Variants in SARS1 observed in about 807,000 individuals in gnomAD.
The protein encoded by SARS1 is seryl-tRNA synthetase 1, also known as serine--tRNA ligase, cytoplasmic.
SARS1 carries 25 observed loss-of-function variants against 63.7 expected under a neutral mutation model. The observed-to-expected ratio is 0.39, with a 90% confidence interval of 0.29 to 0.55. The LOEUF (loss-of-function observed/expected upper bound fraction) is 0.55, where lower values mean the gene tolerates loss of function less well. Ranked by LOEUF, SARS1 falls within the 20% of genes least tolerant of loss-of-function variation. The probability of loss-of-function intolerance (pLI) is 0.62; values close to 1 mark genes in which losing one functional copy is unlikely to be tolerated. For missense variants in SARS1, 417 were observed against 649.7 expected, an observed-to-expected ratio of 0.64 and a Z score of 3.89; for synonymous variants, 231 against 243.5, an observed-to-expected ratio of 0.95 and a Z score of 0.48.
rs979467986 is a variant in SARS1, at chr1:109,214,138, G to A, written c.136+10G>A. 3.1e-6 allele frequency: 5 copies of A among 1,612,784 alleles called. No individual in the cohort carries two copies. Among genetic ancestry groups the A allele is most frequent in the Non-Finnish European group, 3.4e-6 (4 of 1,179,404 alleles). Reference sequence around the variant, plus strand: ...AGCGAGTGGCGACGATGTAAGTACCGGGACGGGCGGGTTACCTCCTTGATG... The same window carrying A: ...AGCGAGTGGCGACGATGTAAGTACCAGGACGGGCGGGTTACCTCCTTGATG... On this transcript the variant is annotated intron_variant, in intron 1 of 10. Coordinates refer to ENST00000234677, the MANE Select transcript of SARS1 (RefSeq NM_006513.4). The surrounding 1 kb of genome is among the most constrained non-coding windows in gnomAD (Gnocchi z 4.6).
Position 109,236,451 on chromosome 1 carries a change from G to A in SARS1, c.1160G>A (p.Gly387Glu), listed in dbSNP as rs140717526. 0.012 allele frequency: 18,726 copies of A among 1,604,458 alleles called. 158 individuals carry two copies. Among genetic ancestry groups the A allele is most frequent in the Non-Finnish European group, 0.014 (16,174 of 1,171,852 alleles). The change falls in exon 9 of 11, where the codon GGA (glycine) becomes GAA (glutamate). Residue 387 changes from glycine (G) to glutamate (E), a missense_variant. Gly to Glu is a moderately conservative substitution (Grantham distance 98). This residue lies in a region of SARS1 where 359 missense variants were observed against 529.6 expected (regional missense o/e 0.68). Coordinates refer to ENST00000234677, the MANE Select transcript of SARS1 (RefSeq NM_006513.4). Reference sequence around the variant, plus strand: ...CTGGAGGCCTGGTTTCCGGGCTCAGGAGCCTTCCGTGAGTTGGTCTCCTGT... The same window carrying A: ...CTGGAGGCCTGGTTTCCGGGCTCAGAAGCCTTCCGTGAGTTGGTCTCCTGT... ...LDLEAWFPGS[G>E]AFRELVSCSN...
chr1:109,221,994 ATATATATATATATATAT>A (rs1319207764), intron 1 of SARS1, among the ~76,000 whole-genome samples: 6,333 of 23,184 alleles, frequency 0.27, 1,725 homozygotes, highest in Admixed American at 0.36. Context: ...ATATATATAT[ATATATATATATATATAT>A]TTTTTTTTTT....
rs1392745083 is a variant in SARS1, at chr1:109,229,491, A to T, written c.366A>T (p.Ile122=). 1 of 1,614,068 alleles carries T rather than the reference A, an allele frequency of 6.2e-7. No individual in the cohort carries two copies. The highest frequency in any genetic ancestry group is 8.5e-7 in the Non-Finnish European group (1 of 1,180,036). The change falls in exon 4 of 11, where the codon ATA becomes ATT. Residue 122 remains isoleucine, a synonymous_variant. Coordinates refer to ENST00000234677, the MANE Select transcript of SARS1 (RefSeq NM_006513.4). ...TCCTGAAGTGTGACGCGGAGCGGAT[A>T]AAGTTGGAAGCAGAGCGGTTTGAGA... is the stretch of plus-strand genomic sequence containing the variant. ...EAILKCDAER[I]KLEAERFENL...
rs112411067 is a variant in SARS1, at chr1:109,237,421, A to T, written c.1387+48A>T. 61 of 1,613,026 alleles carry T rather than the reference A, an allele frequency of 3.8e-5. No individual in the cohort carries two copies. In the African/African-American group the frequency reaches 6.7e-4, roughly 18 times the overall value. ...TCGTTCTCCTCTTTTCTGTCTTCACACTCTTCTAAATAGCAGTCCCCTTTC... is the reference window on the plus strand; with the variant it reads ...TCGTTCTCCTCTTTTCTGTCTTCACTCTCTTCTAAATAGCAGTCCCCTTTC... On this transcript the variant is annotated intron_variant, in intron 10 of 10. Transcript: ENST00000234677. The surrounding 1 kb of genome is among the most constrained non-coding windows in gnomAD (Gnocchi z 4.1).
intron 3 of SARS1, among the ~76,000 whole-genome samples, 164 bp from the exon 4 acceptor site, chr1:109,229,250 T>C (rs1342731132): frequency 6.6e-6 from 1 of 152,170 alleles, no homozygotes; most frequent in Non-Finnish European, 1.5e-5. Flanking sequence ...TGTATATCTG[T>C]GTGTGAAGGA....
At chr1:109,217,579 TAGAC>T (rs1374253505) in intron 1 of SARS1, among the ~76,000 whole-genome samples, 1 of 150,820 alleles carries the variant, frequency 6.6e-6, no homozygotes, top group Admixed American at 6.6e-5. Flanking sequence ...TTATTATTTT[TAGAC>T]AGCGTCTTGT....
chr1:109,231,871 G>A (rs1170613422), intron 6 of SARS1, 85 bp downstream of exon 6: 1 of 1,161,294 alleles, frequency 8.6e-7, no homozygotes, highest in Non-Finnish European at 1.1e-6. Flanking sequence ...TGTCCAATAG[G>A]ACTTTCTGCG....
chr1:109,235,598 A>G lies in SARS1; in HGVS notation c.969+167A>G, dbSNP rs1570764090. 1.3e-5 allele frequency among the ~76,000 whole-genome samples: 2 copies of G among 152,070 alleles called. No homozygotes were observed. Among genetic ancestry groups the G allele is most frequent in the Admixed American group, 1.3e-4 (2 of 15,270 alleles). Reference sequence around the variant, plus strand: ...CATGGTGGAGTGGCGTGGATTATGGACCCTGAAACCAGGCTGCGGCTTTAC... The same window carrying G: ...CATGGTGGAGTGGCGTGGATTATGGGCCCTGAAACCAGGCTGCGGCTTTAC... On this transcript the variant is annotated intron_variant, in intron 7 of 10. Coordinates refer to ENST00000234677, the MANE Select transcript of SARS1 (RefSeq NM_006513.4). The surrounding 1 kb of genome is among the most constrained non-coding windows in gnomAD (Gnocchi z 4.7).
intron 1 of SARS1, chr1:109,216,633 G>C (rs1654794726): frequency 1.0e-6 from 1 of 967,240 alleles, no homozygotes; most frequent in African/African-American, 1.8e-5. Context: ...TGAAGTTGTT[G>C]TTTCCTTTTT....
chr1:109,218,564 A>AT (rs1487123117), intron 1 of SARS1, among the ~76,000 whole-genome samples: 1 of 152,152 alleles, frequency 6.6e-6, no homozygotes, highest in Non-Finnish European at 1.5e-5. Flanking sequence ...AAAGCATAAA[A>AT]ATCCAAATTC....
rs751812738 is a variant in SARS1 at position 109,237,792 on chromosome 1, G to A, written c.1449G>A (p.Lys483=). The part of the protein sequence containing the change: ...PAPIEQEPSK[K]QKKQHEGSKK... ...CCATTGAGCAGGAGCCATCAAAGAA[G>A]CAGAAGAAGCAACATGAGGGCAGCA... Residue 483 remains lysine (K), a synonymous_variant, in exon 11 of 11, where the codon AAG becomes AAA. Transcript: ENST00000234677. The surrounding 1 kb of genome is among the most constrained non-coding windows in gnomAD (Gnocchi z 4.1). 3.1e-6 allele frequency: 5 copies of A among 1,614,206 alleles called. No homozygotes were observed. Among genetic ancestry groups the A allele is most frequent in the Non-Finnish European group, 2.5e-6 (3 of 1,180,040 alleles).
intron 1 of SARS1, chr1:109,216,788 A>G (rs1020217691): frequency 2.1e-6 from 1 of 466,888 alleles, no homozygotes; most frequent in Non-Finnish European, 2.8e-6. Context: ...ATGCCTGGCT[A>G]ATGTGTGTAT....
intron 5 of SARS1, 131 bp downstream of exon 5, chr1:109,231,152 C>A: frequency 1.9e-6 from 1 of 519,920 alleles, no homozygotes; most frequent in Non-Finnish European, 2.8e-6. Flanking sequence ...GTTGTACTTG[C>A]CTTTCTGCAA....
chr1:109,227,664 G>A (rs1655117631), intron 2 of SARS1, among the ~76,000 whole-genome samples: 1 of 152,074 alleles, frequency 6.6e-6, no homozygotes, highest in African/African-American at 2.4e-5. Context: ...CACTTTGGGA[G>A]GCCAAGGTGG....
chr1:109,229,839 C>T (rs1208774026), intron 4 of SARS1, among the ~76,000 whole-genome samples: 1 of 152,194 alleles, frequency 6.6e-6, no homozygotes, highest in Non-Finnish European at 1.5e-5. Context: ...CCCGTGGTAG[C>T]AGGCATCTCG....
intron 4 of SARS1, among the ~76,000 whole-genome samples, chr1:109,229,950 G>A (rs954706096): frequency 2.0e-5 from 3 of 152,166 alleles, no homozygotes; most frequent in African/African-American, 4.8e-5. Context: ...CCTGCTGAGC[G>A]GGAGCTTCCC....
rs968925011 is a variant in SARS1 at position 109,214,438 on chromosome 1, G to C, written c.136+310G>C. The C allele has an allele frequency of 2.0e-5, 16 of 813,512 alleles. No individual in the cohort carries two copies. The African/African-American group carries it at 2.9e-4, about 15-fold the overall frequency. 50.4% of individuals were successfully genotyped at this position (813,512 alleles called of 1,614,324 possible). ...CCCAGGGGTTGCCAGAACATGCCGG[G>C]GCGGGAGGTTGTGGGGTCTACGCGG... On this transcript the variant is annotated intron_variant, in intron 1 of 10. Transcript: ENST00000234677. The surrounding 1 kb of genome is among the most constrained non-coding windows in gnomAD (Gnocchi z 4.6).
At chr1:109,219,085 T>C (rs1654860370) in intron 1 of SARS1, among the ~76,000 whole-genome samples, 1 of 150,640 alleles carries the variant, frequency 6.6e-6, no homozygotes, top group Admixed American at 6.6e-5. Flanking sequence ...GCTAACACGG[T>C]GAAACCCCAT....
At chr1:109,236,830 C>A in intron 9 of SARS1, 2 of 1,602,724 alleles carry the variant, frequency 1.2e-6, no homozygotes, top group Non-Finnish European at 1.7e-6. Flanking sequence ...CATTTATCTA[C>A]ACAGAACAAG....
Sources: allele counts gnomAD v4.1 joint callset (sites outside exome capture counted in the v4.1 genomes callset), GRCh38; gene constraint gnomAD v4.1.1; regional missense constraint gnomAD v4.1.1; non-coding constraint Gnocchi (gnomAD v3.1); transcripts MANE v1.5; gene names NCBI Gene and HGNC (gene_info 2026-07-23, HGNC 2026-07-21).